Variants in KCNQ1OT1 observed in about 807,000 individuals in gnomAD.
The protein encoded by KCNQ1OT1 is KCNQ1 opposite strand/antisense transcript 1.
At position 2,612,735 on chromosome 11, in the gene KCNQ1OT1, A is replaced by G. The variant is rs1456239972; in HGVS notation, n.87260T>C. 6 of 398,498 alleles carry G rather than the reference A, an allele frequency of 1.5e-5. No individual in the cohort carries two copies. The highest frequency in any genetic ancestry group is 1.0e-4 in the African/African-American group (5 of 48,638). The allele number at this position is 398,498 out of a possible 1,614,324, so 24.7% of individuals were successfully genotyped here. A position where few individuals can be genotyped will look rare whatever the true frequency, so the allele number is the denominator to read the frequency against. ...CGCGCCCTAACATTTGGGGCCCTTC[A>G]GAGATAATTCCTATTTATTGCTCAT... On this transcript the variant is annotated non_coding_transcript_exon_variant, in exon 1 of 1. Transcript: ENST00000597346. This position sits in a 1 kb window ranked among gnomAD's most constrained non-coding sequence, Gnocchi z 5.5.
At chr11:2,694,330 G>GC in exon 1 of KCNQ1OT1, 1 of 398,648 alleles carries the variant, frequency 2.5e-6, no homozygotes, top group East Asian at 3.6e-5. Context: ...CATCTGCGGT[G>GC]CCCCCCAGGG....
At chr11:2,655,901 C>T (rs185493687) in exon 1 of KCNQ1OT1, 1 of 398,736 alleles carries the variant, frequency 2.5e-6, no homozygotes, top group Non-Finnish European at 4.4e-6. Context: ...ATAGGGGCCC[C>T]ATATGCCGTT....
At chr11:2,610,694 T>C (rs915489417) in exon 1 of KCNQ1OT1, 12 of 394,720 alleles carry the variant, frequency 3.0e-5, no homozygotes, top group Non-Finnish European at 4.4e-5. Context: ...GAAACTTTTC[T>C]GGACACAGTA....
rs1036972323 is a variant in KCNQ1OT1, at chr11:2,698,616, C to G, written n.1379G>C. On this transcript the variant is annotated non_coding_transcript_exon_variant, in exon 1 of 1. Coordinates refer to ENST00000597346, the Ensembl canonical transcript of KCNQ1OT1. This position sits in a 1 kb window ranked among gnomAD's most constrained non-coding sequence, Gnocchi z 5.1. Reference sequence around the variant, plus strand: ...GAACTTCGACTTCAATTCCTGACTCCCATACCCCACTGAGACCTCTAACCC... The same window carrying G: ...GAACTTCGACTTCAATTCCTGACTCGCATACCCCACTGAGACCTCTAACCC... 2.0e-5 allele frequency: 8 copies of G among 398,560 alleles called. No homozygotes were observed. The highest frequency in any genetic ancestry group is 1.4e-4 in the African/African-American group (7 of 48,698). The allele number at this position is 398,560 out of a possible 1,614,324, so 24.7% of individuals were successfully genotyped here.
chr11:2,647,690 T>C lies in KCNQ1OT1; in HGVS notation n.52305A>G. On this transcript the variant is annotated non_coding_transcript_exon_variant, in exon 1 of 1. Coordinates refer to ENST00000597346, the Ensembl canonical transcript of KCNQ1OT1. The surrounding 1 kb of genome is among the most constrained non-coding windows in gnomAD (Gnocchi z 4.0). ...ATCTCATTCCTTGTTATTGCTCTGT[T>C]CAGATTTTTTTTCTTCCTGGTTCAA... 2.5e-6 allele frequency: 1 copy of C among 398,572 alleles called. No individual in the cohort carries two copies. The highest frequency in any genetic ancestry group is 3.6e-5 in the East Asian group (1 of 28,056). The allele number at this position is 398,572 out of a possible 1,614,324, so 24.7% of individuals were successfully genotyped here.
rs1301339828 is a variant in KCNQ1OT1, at chr11:2,690,279, G to C, written n.9716C>G. 1.0e-5 allele frequency: 4 copies of C among 398,658 alleles called. No homozygotes were observed. The allele number at this position is 398,658 out of a possible 1,614,324, so 24.7% of individuals were successfully genotyped here. ...TGCTCCTTGCTGCATCTGCACATAT[G>C]TGTAGTGTCTTCCTCCCTGTAGGAT... On this transcript the variant is annotated non_coding_transcript_exon_variant, in exon 1 of 1. Transcript: ENST00000597346. This position sits in a 1 kb window ranked among gnomAD's most constrained non-coding sequence, Gnocchi z 5.1.
In KCNQ1OT1 at chr11:2,659,357, GT is replaced by G. The variant is rs1200677422; in HGVS notation, n.40637del. 3 of 398,454 alleles carry G rather than the reference GT, an allele frequency of 7.5e-6. No individual in the cohort carries two copies. The highest frequency in any genetic ancestry group is 1.3e-5 in the Non-Finnish European group (3 of 226,034). 24.7% of individuals were successfully genotyped at this position (398,454 alleles called of 1,614,324 possible). ...TCCTATAAATGGGATCCTATAATAT[GT>G]ATTCTTTTGCATCTGGCTTCTTTCA... On this transcript the variant is annotated non_coding_transcript_exon_variant, in exon 1 of 1. Coordinates refer to ENST00000597346, the Ensembl canonical transcript of KCNQ1OT1. This position sits in a 1 kb window ranked among gnomAD's most constrained non-coding sequence, Gnocchi z 4.3.
chr11:2,681,477 G>C (rs1850396050), exon 1 of KCNQ1OT1: 1 of 398,580 alleles, frequency 2.5e-6, no homozygotes, highest in African/African-American at 2.1e-5. Context: ...AGGCTCCCTA[G>C]ATGAGAAATG....
exon 1 of KCNQ1OT1, chr11:2,635,441 C>G (rs1163109794): frequency 6.6e-6 from 1 of 152,190 alleles, no homozygotes; most frequent in Non-Finnish European, 1.5e-5. Flanking sequence ...AATAGGGAAT[C>G]CTTTCCCCAT....
At chr11:2,694,217 A>G in exon 1 of KCNQ1OT1, 1 of 398,688 alleles carries the variant, frequency 2.5e-6, no homozygotes. Flanking sequence ...GTGAGGCTAT[A>G]GGTGTTAGAT....
At chr11:2,633,485 A>G (rs1849398212) in exon 1 of KCNQ1OT1, 2 of 398,468 alleles carry the variant, frequency 5.0e-6, no homozygotes, top group Non-Finnish European at 8.8e-6. Flanking sequence ...GTTTTCTTCT[A>G]GTACTGTTTG....
At position 2,663,843 on chromosome 11, in the gene KCNQ1OT1, G is replaced by C; in HGVS notation, n.36152C>G. ...CAGTGCTGGTATCAGCACATGCCAA[G>C]CTCCCTGGAGCCAGAGGTTACCCAC... On this transcript the variant is annotated non_coding_transcript_exon_variant, in exon 1 of 1. Transcript: ENST00000597346. This position sits in a 1 kb window ranked among gnomAD's most constrained non-coding sequence, Gnocchi z 5.2. 1.3e-5 allele frequency: 5 copies of C among 398,606 alleles called. No homozygotes were observed. Among genetic ancestry groups the C allele is most frequent in the Non-Finnish European group, 2.2e-5 (5 of 226,090 alleles). 24.7% of individuals were successfully genotyped at this position (398,606 alleles called of 1,614,324 possible).
chr11:2,662,649 T>C (rs1011488443), exon 1 of KCNQ1OT1: 1 of 407,906 alleles, frequency 2.5e-6, no homozygotes, highest in Non-Finnish European at 4.3e-6. Flanking sequence ...ACGGTGTGAT[T>C]CCCCTGCGAC....
Position 2,621,678 on chromosome 11 carries a change from T to G in KCNQ1OT1, n.78317A>C. 1 of 398,510 alleles carries G rather than the reference T, an allele frequency of 2.5e-6. No individual in the cohort carries two copies. The highest frequency in any genetic ancestry group is 3.6e-5 in the East Asian group (1 of 28,036). 24.7% of individuals were successfully genotyped at this position (398,510 alleles called of 1,614,324 possible). A position where few individuals can be genotyped will look rare whatever the true frequency, so the allele number is the denominator to read the frequency against. On this transcript the variant is annotated non_coding_transcript_exon_variant, in exon 1 of 1. Transcript: ENST00000597346. This position sits in a 1 kb window ranked among gnomAD's most constrained non-coding sequence, Gnocchi z 5.7. ...ATCCAATTTGTTGGGATATAATTGT[T>G]CATAAAAGTCCCTTATGATCCTTTT...
At chr11:2,633,947 G>T (rs145710885) in exon 1 of KCNQ1OT1, 1 of 398,546 alleles carries the variant, frequency 2.5e-6, no homozygotes, top group East Asian at 3.6e-5. Context: ...GAAAATCCAC[G>T]TATAAATGAA....
chr11:2,673,769 T>C lies in KCNQ1OT1; in HGVS notation n.26226A>G. On this transcript the variant is annotated non_coding_transcript_exon_variant, in exon 1 of 1. Transcript: ENST00000597346. The surrounding 1 kb of genome is among the most constrained non-coding windows in gnomAD (Gnocchi z 4.5). ...GGGGTACAGTCCCTTCTTGCTGGTATGTTGGGAAGCTCTGGTGCAAAGGGC... is the reference window on the plus strand; with the variant it reads ...GGGGTACAGTCCCTTCTTGCTGGTACGTTGGGAAGCTCTGGTGCAAAGGGC... 2 of 398,396 alleles carry C rather than the reference T, an allele frequency of 5.0e-6. No individual in the cohort carries two copies. The highest frequency in any genetic ancestry group is 3.6e-5 in the East Asian group (1 of 28,082). 24.7% of individuals were successfully genotyped at this position (398,396 alleles called of 1,614,324 possible).
exon 1 of KCNQ1OT1, chr11:2,686,807 C>A (rs1031849733): frequency 2.5e-6 from 1 of 398,718 alleles, no homozygotes; most frequent in Non-Finnish European, 4.4e-6. Flanking sequence ...CCCCTGCTCA[C>A]CCCTAAAGAG....
At position 2,682,172 on chromosome 11, in the gene KCNQ1OT1, C is replaced by G; in HGVS notation, n.17823G>C. The G allele has an allele frequency of 2.5e-6, 1 of 398,608 alleles. No individual in the cohort carries two copies. Among genetic ancestry groups the G allele is most frequent in the East Asian group, 3.6e-5 (1 of 28,068 alleles). 24.7% of individuals were successfully genotyped at this position (398,608 alleles called of 1,614,324 possible). On this transcript the variant is annotated non_coding_transcript_exon_variant, in exon 1 of 1. Transcript: ENST00000597346. This position sits in a 1 kb window ranked among gnomAD's most constrained non-coding sequence, Gnocchi z 5.8. ...TTCAGTATTAAACATATCAAGCTCTCTCCTGACCTTCTCTCCCCTTCCCCA... is the reference window on the plus strand; with the variant it reads ...TTCAGTATTAAACATATCAAGCTCTGTCCTGACCTTCTCTCCCCTTCCCCA...
In KCNQ1OT1 at chr11:2,647,273, A is replaced by G. The variant is rs1849681139; in HGVS notation, n.52722T>C. The G allele has an allele frequency of 2.5e-6, 1 of 398,266 alleles. No homozygotes were observed. Among genetic ancestry groups the G allele is most frequent in the Admixed American group, 4.4e-5 (1 of 22,696 alleles). The allele number at this position is 398,266 out of a possible 1,614,324, so 24.7% of individuals were successfully genotyped here. On this transcript the variant is annotated non_coding_transcript_exon_variant, in exon 1 of 1. Coordinates refer to ENST00000597346, the Ensembl canonical transcript of KCNQ1OT1. The surrounding 1 kb of genome is among the most constrained non-coding windows in gnomAD (Gnocchi z 4.0). ...CTTCCTTCTGTTAATGTGATGTATC[A>G]CATTTATTGATTTGTATATGTTGAA... is the stretch of plus-strand genomic sequence containing the variant.
Sources: gnomAD v4.1 joint callset for allele counts on GRCh38, gnomAD v4.1.1 for gene constraint, Gnocchi (gnomAD v3.1) non-coding constraint, MANE v1.5 for transcripts, NCBI Gene and HGNC (gene_info 2026-07-23, HGNC 2026-07-21) for gene names.